Variants in ARID5A observed in about 807,000 individuals in gnomAD.
The protein encoded by ARID5A is AT-rich interaction domain 5A.
A neutral mutation model predicts 30.5 loss-of-function variants in ARID5A; 14 were observed. The observed-to-expected ratio is 0.46, with a 90% confidence interval of 0.30 to 0.72. ARID5A has a LOEUF of 0.72. Ranked by LOEUF, ARID5A falls within the 30% of genes least tolerant of loss-of-function variation. The pLI is 0.07. For missense variants in ARID5A, 669 were observed against 786.2 expected (o/e 0.85, Z 1.78); for synonymous variants, 338 against 340.4 (o/e 0.99, Z 0.08).
chr2:96,550,264 G>C lies in ARID5A; in HGVS notation c.389G>C (p.Cys130Ser). The C allele has an allele frequency of 6.8e-7, 1 of 1,480,778 alleles. No individual in the cohort carries two copies. Among genetic ancestry groups the C allele is most frequent in the Non-Finnish European group, 8.9e-7 (1 of 1,122,738 alleles). The allele number at this position is 1,480,778 out of a possible 1,614,324, so 91.7% of individuals were successfully genotyped here. A position where few individuals can be genotyped will look rare whatever the true frequency, so the allele number is the denominator to read the frequency against. The change falls in exon 5 of 7, where the codon TGC becomes TCC. Residue 130 changes from cysteine (C) to serine (S), a missense_variant. Cys to Ser is a moderately radical substitution (Grantham distance 112). This residue lies in a region of ARID5A where 64 missense variants were observed against 119.7 expected (regional missense o/e 0.53). Transcript: ENST00000357485. This position sits in a 1 kb window ranked among gnomAD's most constrained non-coding sequence, Gnocchi z 6.6. ...CCAGGCAGCACCAGCGCGGCCACGTGCACGCGCCGCCACTACGAGAGGTAC... is the reference window on the plus strand; with the variant it reads ...CCAGGCAGCACCAGCGCGGCCACGTCCACGCGCCGCCACTACGAGAGGTAC... ...GSPGSTSAAT[C>S]TRRHYERLVL...
intron 1 of ARID5A, among the ~76,000 whole-genome samples, chr2:96,545,108 C>CT (rs1182233334): frequency 2.1e-5 from 2 of 97,076 alleles, no homozygotes; most frequent in African/African-American, 8.7e-5. Context: ...AAGAAAGTGA[C>CT]TTTTTTTCTT....
chr2:96,538,002 G>T, intron 1 of ARID5A: 1 of 985,490 alleles, frequency 1.0e-6, no homozygotes, highest in Admixed American at 6.1e-5. Flanking sequence ...TACAGGCAAC[G>T]CTAGAGCACA....
intron 6 of ARID5A, 42 bp from the exon 7 acceptor site, chr2:96,551,057 G>T (rs773626774): frequency 1.6e-5 from 25 of 1,570,264 alleles, no homozygotes; most frequent in Non-Finnish European, 2.1e-5. Context: ...GTCAGGATGT[G>T]GGGCTGAGGC....
intron 1 of ARID5A, among the ~76,000 whole-genome samples, chr2:96,545,828 C>A (rs1439262978): frequency 1.3e-5 from 2 of 152,000 alleles, no homozygotes; most frequent in African/African-American, 2.4e-5. Context: ...GTGGCACGCA[C>A]CTGTAGTCCC....
At chr2:96,540,742 T>TTTTG (rs557412272) in intron 1 of ARID5A, among the ~76,000 whole-genome samples, 76 of 152,260 alleles carry the variant, frequency 5.0e-4, no homozygotes, top group East Asian at 1.9e-3. Flanking sequence ...AGTGGGGGTT[T>TTTTG]TTTGTTTGTT....
intron 2 of ARID5A, 69 bp downstream of exon 2, chr2:96,547,586 A>C: frequency 6.8e-7 from 1 of 1,460,394 alleles, no homozygotes; most frequent in South Asian, 1.2e-5. Flanking sequence ...CTCCGCCTCC[A>C]GGTGAACCTG....
At chr2:96,540,733 G>T (rs2065830260) in intron 1 of ARID5A, among the ~76,000 whole-genome samples, 1 of 152,224 alleles carries the variant, frequency 6.6e-6, no homozygotes, top group Admixed American at 6.5e-5. Context: ...AGCCCCAGTA[G>T]TGGGGGTTTT....
rs193007369 is a variant in ARID5A at position 96,542,239 on chromosome 2, T to C, written c.5-5163T>C. Among the ~76,000 whole-genome samples, 505 of 152,266 alleles carry C rather than the reference T, an allele frequency of 3.3e-3. 3 individuals carry two copies. The highest frequency in any genetic ancestry group is 0.012 in the African/African-American group (489 of 41,538). The stretch of plus-strand genomic sequence containing the variant: ...GGACTCTCCCTTCTTGCTCATCTAA[T>C]GCTGCAGAAGAGGGGGCCCAAAGGC... On this transcript the variant is annotated intron_variant, in intron 1 of 6. Coordinates refer to ENST00000357485, the MANE Select transcript of ARID5A (RefSeq NM_212481.3).
chr2:96,550,176 G>A lies in ARID5A; in HGVS notation c.313-12G>A. 1.3e-6 allele frequency: 2 copies of A among 1,534,540 alleles called. No homozygotes were observed. The highest frequency in any genetic ancestry group is 1.8e-6 in the Non-Finnish European group (2 of 1,142,212). On this transcript the variant is annotated splice_polypyrimidine_tract_variant and intron_variant, in intron 4 of 6. Coordinates refer to ENST00000357485, the MANE Select transcript of ARID5A (RefSeq NM_212481.3). The surrounding 1 kb of genome is among the most constrained non-coding windows in gnomAD (Gnocchi z 6.6). Reference sequence around the variant, plus strand: ...CGCCCGCCGGCCGCGCCCTCACGAGGTGCCCTTGCAGGTGACCGGGCGCCG... The same window carrying A: ...CGCCCGCCGGCCGCGCCCTCACGAGATGCCCTTGCAGGTGACCGGGCGCCG...
At chr2:96,538,086 C>G (rs2065774644) in intron 1 of ARID5A, 2 of 985,390 alleles carry the variant, frequency 2.0e-6, no homozygotes, top group Non-Finnish European at 1.2e-6. Context: ...GCCTTAGGGA[C>G]CCGCCTGGGG....
rs751581292 is a variant in ARID5A at position 96,552,446 on chromosome 2, C to A, written c.*133C>A. 3.7e-5 allele frequency: 58 copies of A among 1,549,254 alleles called. No individual in the cohort carries two copies. Among genetic ancestry groups the A allele is most frequent in the Non-Finnish European group, 4.8e-5 (55 of 1,149,730 alleles). ...CCATGCCCCTGGCTGGGCAGCCTGG[C>A]ACAAGTGAAGAAGAAGGCAGTGGGA... On this transcript the variant is annotated 3_prime_UTR_variant, in exon 7 of 7. Coordinates refer to ENST00000357485, the MANE Select transcript of ARID5A (RefSeq NM_212481.3).
Position 96,550,202 on chromosome 2 carries a change from C to T in ARID5A, c.327C>T (p.Arg109=). 6.5e-7 allele frequency: 1 copy of T among 1,535,060 alleles called. No homozygotes were observed. Among genetic ancestry groups the T allele is most frequent in the South Asian group, 1.2e-5 (1 of 83,540 alleles). ...LGAYELVTGR[R]LWKNVYDELG... Reference sequence around the variant, plus strand: ...TGCCCTTGCAGGTGACCGGGCGCCGCCTCTGGAAGAACGTGTACGACGAGC... The same window carrying T: ...TGCCCTTGCAGGTGACCGGGCGCCGTCTCTGGAAGAACGTGTACGACGAGC... The change falls in exon 5 of 7, where the codon CGC becomes CGT. Residue 109 remains arginine (R), a synonymous_variant. Transcript: ENST00000357485. The surrounding 1 kb of genome is among the most constrained non-coding windows in gnomAD (Gnocchi z 6.6).
In ARID5A at chr2:96,549,985, C is replaced by A; in HGVS notation, c.312+180C>A. 6.5e-7 allele frequency: 1 copy of A among 1,533,350 alleles called. No homozygotes were observed. The highest frequency in any genetic ancestry group is 8.7e-7 in the Non-Finnish European group (1 of 1,144,864). 95.0% of individuals were successfully genotyped at this position (1,533,350 alleles called of 1,614,324 possible). A position where few individuals can be genotyped will look rare whatever the true frequency, so the allele number is the denominator to read the frequency against. ...AAAGCAGCTTTTCAGCCTTCCCCAT[C>A]TGTTCTGCCCGCCCCGTGTTGGGAA... On this transcript the variant is annotated intron_variant, in intron 4 of 6. Coordinates refer to ENST00000357485, the MANE Select transcript of ARID5A (RefSeq NM_212481.3). This position sits in a 1 kb window ranked among gnomAD's most constrained non-coding sequence, Gnocchi z 6.1.
At chr2:96,540,159 C>T (rs2065821113) in intron 1 of ARID5A, among the ~76,000 whole-genome samples, 1 of 152,202 alleles carries the variant, frequency 6.6e-6, no homozygotes, top group African/African-American at 2.4e-5. Flanking sequence ...TGATTTGAGT[C>T]GGTGGAGCAT....
chr2:96,538,776 T>A (rs1429919717), intron 1 of ARID5A, among the ~76,000 whole-genome samples: 1 of 152,230 alleles, frequency 6.6e-6, no homozygotes, highest in African/African-American at 2.4e-5. Flanking sequence ...TTGAGGCTGC[T>A]GTTACCATTA....
chr2:96,549,345 C>T lies in ARID5A; in HGVS notation c.145C>T (p.Arg49Trp), dbSNP rs773136786. The T allele has an allele frequency of 2.0e-5, 33 of 1,612,980 alleles. No individual in the cohort carries two copies. The highest frequency in any genetic ancestry group is 2.4e-5 in the Non-Finnish European group (28 of 1,179,848). ...GGACTCCCCCGAGGCAGGCGGGGAG[C>T]GGGAGGAGGAGCAGGAGCGGGAGGA... ...LEDSPEAGGE[R>W]EEEQEREEEQ... Residue 49 changes from arginine to tryptophan, a missense_variant, in exon 3 of 7, where the codon CGG (arginine) becomes TGG (tryptophan). Around this residue, in one of 4 missense-constraint regions of ARID5A, gnomAD observed 56 missense variants for 72.8 expected, o/e 0.77. Transcript: ENST00000357485. The surrounding 1 kb of genome is among the most constrained non-coding windows in gnomAD (Gnocchi z 6.1).
chr2:96,548,684 A>T (rs1219923838), intron 2 of ARID5A, among the ~76,000 whole-genome samples: 2 of 152,168 alleles, frequency 1.3e-5, no homozygotes, highest in Non-Finnish European at 2.9e-5. Context: ...CTCTGCCCCG[A>T]GCCACTCGCT....
rs757173546 is a variant in ARID5A at position 96,551,955 on chromosome 2, C to T, written c.1427C>T (p.Ala476Val). ...LKEADAKKCG[A>V]KPAGSGLVSC... Reference sequence around the variant, plus strand: ...GAGGCGGATGCCAAGAAGTGTGGGGCCAAACCTGCAGGGTCCGGCCTGGTC... The same window carrying T: ...GAGGCGGATGCCAAGAAGTGTGGGGTCAAACCTGCAGGGTCCGGCCTGGTC... The change falls in exon 7 of 7, where the codon GCC becomes GTC. Residue 476 changes from alanine to valine, a missense_variant. By Grantham distance (64) the Ala-to-Val change is moderately conservative. Around this residue, in one of 4 missense-constraint regions of ARID5A, gnomAD observed 548 missense variants for 577.4 expected, o/e 0.95. Transcript: ENST00000357485. 6 of 1,521,302 alleles carry T rather than the reference C, an allele frequency of 3.9e-6. No homozygotes were observed. In the East Asian group the frequency reaches 1.4e-4, roughly 35 times the overall value. 94.2% of individuals were successfully genotyped at this position (1,521,302 alleles called of 1,614,324 possible). A position where few individuals can be genotyped will look rare whatever the true frequency, so the allele number is the denominator to read the frequency against.
rs2066043594 is a variant in ARID5A, at chr2:96,551,522, G to C, written c.994G>C (p.Gly332Arg). The C allele has an allele frequency of 6.2e-7, 1 of 1,601,416 alleles. No individual in the cohort carries two copies. The highest frequency in any genetic ancestry group is 1.3e-5 in the African/African-American group (1 of 74,676). Residue 332 changes from glycine (G) to arginine (R), a missense_variant, in exon 7 of 7, where the codon GGC becomes CGC. Gly to Arg is a moderately radical substitution (Grantham distance 125). Around this residue, in one of 4 missense-constraint regions of ARID5A, gnomAD observed 548 missense variants for 577.4 expected, o/e 0.95. Transcript: ENST00000357485. ...CAGCCTCAGAGAGGAGGCGCAGGCA[G>C]GCCCCTGCCCGGCAGCCCCCATCTT... ...GGSLREEAQA[G>R]PCPAAPIFKG...
Sources: allele counts gnomAD v4.1 joint callset (sites outside exome capture counted in the v4.1 genomes callset), GRCh38; gene constraint gnomAD v4.1.1; regional missense constraint gnomAD v4.1.1; non-coding constraint Gnocchi (gnomAD v3.1); transcripts MANE v1.5; gene names NCBI Gene and HGNC (gene_info 2026-07-23, HGNC 2026-07-21).